Variants in PCDHGA6 observed in about 807,000 individuals in gnomAD.
PCDHGA6 encodes the protein protocadherin gamma-A6.
In PCDHGA6, 41 loss-of-function variants were observed where a neutral mutation model predicts 60.6. That is an observed-to-expected ratio of 0.68 (90% CI 0.53 to 0.88). PCDHGA6 has a LOEUF of 0.88. Ranked by LOEUF, PCDHGA6 falls within the 40% of genes least tolerant of loss-of-function variation. The probability of loss-of-function intolerance (pLI) is 0.00; values close to 1 mark genes in which losing one functional copy is unlikely to be tolerated. For missense variants in PCDHGA6, 1,312 were observed against 1,203.0 expected, an observed-to-expected ratio of 1.09 and a Z score of -1.34; for synonymous variants, 594 against 524.4, an observed-to-expected ratio of 1.13 and a Z score of -1.81.
intron 3 of PCDHGA6, 94 bp downstream of exon 3, chr5:141,505,575 C>T: frequency 6.3e-7 from 1 of 1,592,302 alleles, no homozygotes. Context: ...GATGTCAAAC[C>T]TGTGTAGTTT....
At chr5:141,380,998 A>G (rs1382906356) in intron 1 of PCDHGA6, among the ~76,000 whole-genome samples, 1 of 152,262 alleles carries the variant, frequency 6.6e-6, no homozygotes, top group East Asian at 1.9e-4. Context: ...CAGTTTACAG[A>G]ATTCATCTAT....
chr5:141,384,784 G>T, intron 1 of PCDHGA6: 1 of 1,613,618 alleles, frequency 6.2e-7, no homozygotes, highest in Non-Finnish European at 8.5e-7. Flanking sequence ...GGTGCGCACG[G>T]CTCGGGCCCT....
At chr5:141,423,342 C>A in intron 1 of PCDHGA6, 1 of 1,613,824 alleles carries the variant, frequency 6.2e-7, no homozygotes, top group South Asian at 1.1e-5. Flanking sequence ...CCTGCATCTT[C>A]CTGGTCTTTG....
At position 141,491,561 on chromosome 5, in the gene PCDHGA6, A is replaced by C. The variant is rs1289732955; in HGVS notation, c.2425-3246A>C. The C allele has an allele frequency of 1.2e-6, 2 of 1,613,938 alleles. No homozygotes were observed. Among genetic ancestry groups the C allele is most frequent in the Admixed American group, 3.3e-5 (2 of 60,016 alleles). On this transcript the variant is annotated intron_variant, in intron 1 of 3. Transcript: ENST00000517434. This position sits in a 1 kb window ranked among gnomAD's most constrained non-coding sequence, Gnocchi z 6.9. ...CCCACAGACTCGCAGAGCCACTGCT[A>C]CAGGACGTGCTTTTCACCGGCCTCG...
In PCDHGA6 at chr5:141,408,282, C is replaced by A. The variant is rs1045626164; in HGVS notation, c.2424+31775C>A. On this transcript the variant is annotated intron_variant, in intron 1 of 3. Transcript: ENST00000517434. ...CCTTTGCTGCTGCCTTTGTTCTACC[C>A]CACCCTGAGTGAGCCGATCCGCTAC... The A allele has an allele frequency of 5.0e-6, 8 of 1,612,846 alleles. No individual in the cohort carries two copies. The African/African-American group carries it at 1.1e-4, about 22-fold the overall frequency.
intron 1 of PCDHGA6, chr5:141,393,707 T>A: frequency 6.2e-7 from 1 of 1,613,882 alleles, no homozygotes; most frequent in African/African-American, 1.3e-5. Flanking sequence ...ATGAAAATAC[T>A]GGGGAAATAT....
At chr5:141,449,471 G>T (rs1261821886) in intron 1 of PCDHGA6, among the ~76,000 whole-genome samples, 1 of 151,060 alleles carries the variant, frequency 6.6e-6, no homozygotes, top group African/African-American at 2.4e-5. Flanking sequence ...GCCAGGCCTG[G>T]TACCCCATGC....
intron 2 of PCDHGA6, among the ~76,000 whole-genome samples, chr5:141,497,390 C>T (rs2099776143): frequency 6.6e-6 from 1 of 152,158 alleles, no homozygotes; most frequent in Non-Finnish European, 1.5e-5. Context: ...GAGCACCTTA[C>T]CCCTGCCTCA....
At chr5:141,384,052 A>G in intron 1 of PCDHGA6, 1 of 1,611,012 alleles carries the variant, frequency 6.2e-7, no homozygotes, top group Non-Finnish European at 8.5e-7. Context: ...GGTGACCTGC[A>G]CCATTCCAGA....
intron 1 of PCDHGA6, chr5:141,396,060 G>C (rs1309175410): frequency 6.6e-6 from 1 of 152,200 alleles, no homozygotes; most frequent in African/African-American, 2.4e-5. Flanking sequence ...CCAATTAGCT[G>C]TTTCGGTTGT....
At chr5:141,445,109 T>C (rs571834974) in intron 1 of PCDHGA6, among the ~76,000 whole-genome samples, 23 of 152,246 alleles carry the variant, frequency 1.5e-4, no homozygotes, top group Non-Finnish European at 2.8e-4. Flanking sequence ...TCTAATGTTA[T>C]TGTAAATAGT....
In PCDHGA6 at chr5:141,477,377, C is replaced by A. The variant is rs1456451105; in HGVS notation, c.2425-17430C>A. On this transcript the variant is annotated intron_variant, in intron 1 of 3. Coordinates refer to ENST00000517434, the MANE Select transcript of PCDHGA6 (RefSeq NM_018919.3). This position sits in a 1 kb window ranked among gnomAD's most constrained non-coding sequence, Gnocchi z 4.9. ...TGCAGACCTGGATCGGGAGACTGTG[C>A]CAGAATACAACCTCAGCATCACCGC... 1.2e-6 allele frequency: 2 copies of A among 1,614,026 alleles called. No homozygotes were observed. The highest frequency in any genetic ancestry group is 1.7e-6 in the Non-Finnish European group (2 of 1,180,032).
intron 1 of PCDHGA6, among the ~76,000 whole-genome samples, chr5:141,467,397 TAGAA>T (rs1326936900): frequency 6.6e-6 from 1 of 152,106 alleles, no homozygotes; most frequent in Non-Finnish European, 1.5e-5. Flanking sequence ...AAGTCATAGT[TAGAA>T]AGCCTTTCCC....
At chr5:141,429,814 T>C (rs554065871) in intron 1 of PCDHGA6, among the ~76,000 whole-genome samples, 3 of 152,322 alleles carry the variant, frequency 2.0e-5, no homozygotes, top group African/African-American at 7.2e-5. Flanking sequence ...TAATTACAAT[T>C]AGGTCAGTTA....
Position 141,375,344 on chromosome 5 carries a change from A to T in PCDHGA6, c.1261A>T (p.Thr421Ser). Residue 421 changes from threonine (T) to serine (S), a missense_variant, in exon 1 of 4, where the codon ACT becomes TCT. Transcript: ENST00000517434. ...DREEVFLYNI[T>S]VTATDKGTPP... is the part of the protein sequence containing the mutation. ...GGAAGAGGTATTCTTGTACAACATC[A>T]CTGTGACAGCCACGGACAAAGGAAC... is the stretch of plus-strand genomic sequence containing the variant. 1 of 1,613,836 alleles carries T rather than the reference A, an allele frequency of 6.2e-7. No individual in the cohort carries two copies. The highest frequency in any genetic ancestry group is 1.1e-5 in the South Asian group (1 of 91,080).
At chr5:141,419,901 C>A (rs2096446114) in intron 1 of PCDHGA6, 5 of 1,614,108 alleles carry the variant, frequency 3.1e-6, no homozygotes, top group Non-Finnish European at 4.2e-6. Flanking sequence ...CATCCCACAC[C>A]CTCTGACTCC....
At chr5:141,377,979 G>A (rs887213407) in intron 1 of PCDHGA6, 1 of 152,086 alleles carries the variant, frequency 6.6e-6, no homozygotes, top group African/African-American at 2.4e-5. Context: ...ATGTTCCTGG[G>A]TTGCAATCCT....
At chr5:141,437,862 C>T (rs535370570) in intron 1 of PCDHGA6, among the ~76,000 whole-genome samples, 5 of 152,002 alleles carry the variant, frequency 3.3e-5, no homozygotes, top group African/African-American at 9.6e-5. Context: ...CTTAGCCTCC[C>T]GAGTAGCTGG....
chr5:141,439,289 T>C (rs1454088176), intron 1 of PCDHGA6, among the ~76,000 whole-genome samples: 1 of 151,850 alleles, frequency 6.6e-6, no homozygotes, highest in African/African-American at 2.4e-5. Flanking sequence ...CTGTGTTCCA[T>C]GGAAAAAGTA....
Sources: gnomAD v4.1 joint callset for allele counts (sites outside exome capture counted in the v4.1 genomes callset) on GRCh38, gnomAD v4.1.1 for gene constraint, Gnocchi (gnomAD v3.1) non-coding constraint, MANE v1.5 for transcripts, NCBI Gene and HGNC (gene_info 2026-07-23, HGNC 2026-07-21) for gene names.